The following AUTS2 variants were observed in gnomAD, a reference collection of about 807,000 sequenced individuals.
AUTS2 encodes activator of transcription and developmental regulator AUTS2, also known as autism susceptibility gene 2 protein.
In AUTS2, 17 loss-of-function variants were observed where a neutral mutation model predicts 112.4. The ratio of observed to expected loss-of-function variants is 0.15; its 90% CI spans 0.10 to 0.23. The LOEUF (loss-of-function observed/expected upper bound fraction) is 0.23, where lower values mean the gene tolerates loss of function less well. Among genes scored for constraint, AUTS2 ranks in the 10% least tolerant of loss-of-function variants. The pLI is 1.00. For missense variants in AUTS2, 1,510 were observed against 1,701.6 expected, an observed-to-expected ratio of 0.89 and a Z score of 1.98; for synonymous variants, 751 against 702.7, an observed-to-expected ratio of 1.07 and a Z score of -1.09.
intron 2 of AUTS2, among the ~76,000 whole-genome samples, chr7:70,005,958 A>G (rs1799528147): frequency 1.3e-5 from 2 of 152,228 alleles, no homozygotes; most frequent in East Asian, 1.9e-4. Flanking sequence ...TTGTGTATAT[A>G]TTGTGTATAA....
chr7:70,715,148 A>C (rs534364183), intron 6 of AUTS2, among the ~76,000 whole-genome samples: 1 of 152,094 alleles, frequency 6.6e-6, no homozygotes, highest in Non-Finnish European at 1.5e-5. Context: ...TAAATGCTCA[A>C]TTCTCTCCTT....
At chr7:70,184,568 T>A (rs978855113) in intron 4 of AUTS2, among the ~76,000 whole-genome samples, 1 of 152,230 alleles carries the variant, frequency 6.6e-6, no homozygotes, top group Non-Finnish European at 1.5e-5. Context: ...ATTTTTTGGA[T>A]GTATGAATGA....
intron 2 of AUTS2, among the ~76,000 whole-genome samples, chr7:69,946,552 TGTGATACACACACACACACACACAC>T (rs1191403268): frequency 7.2e-6 from 1 of 138,160 alleles, no homozygotes; most frequent in Non-Finnish European, 1.5e-5. Flanking sequence ...GAAAATGTGA[TGTGATACACACACACACACACACAC>T]ACACACACAC....
intron 2 of AUTS2, among the ~76,000 whole-genome samples, chr7:70,084,661 T>A (rs1459358932): frequency 6.6e-6 from 1 of 152,214 alleles, no homozygotes. Context: ...ATGTGTGATT[T>A]TTCATCTGTA....
chr7:69,821,299 G>A (rs1186349340), intron 1 of AUTS2, among the ~76,000 whole-genome samples: 2 of 152,152 alleles, frequency 1.3e-5, no homozygotes, highest in Non-Finnish European at 2.9e-5. Flanking sequence ...CCTGGGTCGA[G>A]TGGGGACTTG....
chr7:70,364,678 C>CTTT (rs1282305209), intron 4 of AUTS2, among the ~76,000 whole-genome samples: 1 of 151,568 alleles, frequency 6.6e-6, no homozygotes, highest in Non-Finnish European at 1.5e-5. Flanking sequence ...AATTTATTAA[C>CTTT]TTCTTTTTAC....
intron 2 of AUTS2, among the ~76,000 whole-genome samples, chr7:69,946,557 T>TACACACAC (rs57891742): frequency 1.4e-5 from 2 of 143,954 alleles, no homozygotes; most frequent in African/African-American, 2.6e-5. Context: ...TGTGATGTGA[T>TACACACAC]ACACACACAC....
chr7:70,089,777 G>T (rs997434436), intron 2 of AUTS2, among the ~76,000 whole-genome samples: 3 of 152,066 alleles, frequency 2.0e-5, no homozygotes, highest in Non-Finnish European at 4.4e-5. Flanking sequence ...GGGAGGCCGA[G>T]GCAGGTGGAT....
chr7:70,501,024 G>A (rs1051353366), intron 5 of AUTS2, among the ~76,000 whole-genome samples: 1 of 152,048 alleles, frequency 6.6e-6, no homozygotes, highest in Non-Finnish European at 1.5e-5. Context: ...TGCCTGGCCC[G>A]AATTGATACC....
At chr7:70,152,572 G>T (rs989058544) in intron 4 of AUTS2, among the ~76,000 whole-genome samples, 4 of 151,894 alleles carry the variant, frequency 2.6e-5, no homozygotes, top group Non-Finnish European at 5.9e-5. Context: ...ATAATCCACA[G>T]GCTAGGAGAA....
chr7:69,989,647 C>T (rs1282992075), intron 2 of AUTS2, among the ~76,000 whole-genome samples: 1 of 152,152 alleles, frequency 6.6e-6, no homozygotes, highest in Non-Finnish European at 1.5e-5. Flanking sequence ...CCTTAATTTA[C>T]TGCTACCTTT....
chr7:70,347,214 A>G (rs1335086516), intron 4 of AUTS2, among the ~76,000 whole-genome samples: 3 of 152,132 alleles, frequency 2.0e-5, no homozygotes, highest in Non-Finnish European at 4.4e-5. Flanking sequence ...GCTTAATGAC[A>G]GCTTAACTTC....
intron 4 of AUTS2, among the ~76,000 whole-genome samples, chr7:70,225,605 C>G (rs970753439): frequency 2.6e-5 from 4 of 152,096 alleles, no homozygotes; most frequent in African/African-American, 9.7e-5. Context: ...CCTTTAATCT[C>G]TGTACAGGGG....
chr7:70,465,836 C>G (rs1309817315), intron 5 of AUTS2, among the ~76,000 whole-genome samples: 1 of 152,144 alleles, frequency 6.6e-6, no homozygotes, highest in Non-Finnish European at 1.5e-5. Context: ...TCTGTGTACC[C>G]CCATGCAAGT....
chr7:70,624,352 C>T (rs905672042), intron 5 of AUTS2, among the ~76,000 whole-genome samples: 1 of 152,156 alleles, frequency 6.6e-6, no homozygotes, highest in Non-Finnish European at 1.5e-5. Context: ...TTTATATTGA[C>T]TTGATTAGCC....
chr7:70,036,671 A>C (rs1801017001), intron 2 of AUTS2, among the ~76,000 whole-genome samples: 1 of 152,222 alleles, frequency 6.6e-6, no homozygotes, highest in Non-Finnish European at 1.5e-5. Context: ...CAGATAGCAG[A>C]TGTGCCTTGG....
At chr7:70,535,804 T>C (rs1159335578) in intron 5 of AUTS2, among the ~76,000 whole-genome samples, 1 of 152,182 alleles carries the variant, frequency 6.6e-6, no homozygotes, top group African/African-American at 2.4e-5. Context: ...GTCTTCCTTC[T>C]TTCCTCCACC....
chr7:70,677,578 C>T lies in AUTS2; in HGVS notation c.691-20991C>T, dbSNP rs556745578. 7.2e-4 allele frequency among the ~76,000 whole-genome samples: 110 copies of T among 152,216 alleles called. 1 individual carries two copies. Among genetic ancestry groups the T allele is most frequent in the African/African-American group, 2.2e-3 (91 of 41,570 alleles). ...GCCCCGTGTCTCCTGCCATTTTCCT[C>T]GAGTCACTTTTCCTTTTTTCTTTTT... On this transcript the variant is annotated intron_variant, in intron 5 of 18. Transcript: ENST00000342771.
intron 4 of AUTS2, among the ~76,000 whole-genome samples, chr7:70,142,145 T>G (rs912664182): frequency 6.6e-6 from 1 of 152,196 alleles, no homozygotes; most frequent in Non-Finnish European, 1.5e-5. Flanking sequence ...TTGCAAACTC[T>G]TTAAGGAGAT....
Sources: allele counts gnomAD v4.1 joint callset (sites outside exome capture counted in the v4.1 genomes callset), GRCh38; gene constraint gnomAD v4.1.1; transcripts MANE v1.5; gene names NCBI Gene and HGNC (gene_info 2026-07-23, HGNC 2026-07-21).